Variants in COL4A4 observed in about 807,000 individuals in gnomAD.
COL4A4 encodes collagen type IV alpha 4 chain, also known as collagen alpha-4(IV) chain.
A neutral mutation model predicts 192.9 loss-of-function variants in COL4A4; 105 were observed. That is an observed-to-expected ratio of 0.54 (90% CI 0.46 to 0.64). The LOEUF is 0.64. Ranked by LOEUF, COL4A4 falls within the 30% of genes least tolerant of loss-of-function variation. The pLI is 0.00. For missense variants in COL4A4, 1,967 were observed against 2,169.3 expected (o/e 0.91, Z 1.85); for synonymous variants, 762 against 769.9 (o/e 0.99, Z 0.17).
chr2:227,000,676 G>A (rs571517210), downstream of COL4A4, among the ~76,000 whole-genome samples: 13 of 152,138 alleles, frequency 8.5e-5, no homozygotes, highest in Admixed American at 5.2e-4. Context: ...CAGAGCAGTT[G>A]CCCTAAATGA....
chr2:227,092,583 T>G (rs2059999132), intron 20 of COL4A4, among the ~76,000 whole-genome samples: 1 of 152,218 alleles, frequency 6.6e-6, no homozygotes, highest in Admixed American at 6.5e-5. Context: ...TGATGAAATT[T>G]AGATAATTCT....
intron 37 of COL4A4, among the ~76,000 whole-genome samples, chr2:227,041,101 G>A (rs932397915): frequency 6.6e-6 from 1 of 152,058 alleles, no homozygotes; most frequent in East Asian, 1.9e-4. Flanking sequence ...TTCTATATCT[G>A]TAGCACCTTA....
At chr2:226,977,293 C>T in the COL4A4 span, among the ~76,000 whole-genome samples, 55 of 152,244 alleles carry the variant, frequency 3.6e-4, no homozygotes, top group African/African-American at 1.3e-3. Context: ...ACTGCCGCCT[C>T]CTTTTTTTCT....
the COL4A4 span, among the ~76,000 whole-genome samples, chr2:226,994,487 C>A: frequency 1.3e-5 from 2 of 152,180 alleles, no homozygotes; most frequent in African/African-American, 4.8e-5. Flanking sequence ...AGTAAGACTT[C>A]TGGTTGATGT....
At chr2:227,164,324 C>G, upstream of COL4A4, 1 of 333,854 alleles carries the variant, frequency 3.0e-6, no homozygotes, top group South Asian at 3.0e-5. The surrounding 1 kb of genome is among the most constrained non-coding windows in gnomAD (Gnocchi z 4.8). Context: ...CCAAACGCCC[C>G]ACCTCCGACC....
the COL4A4 span, among the ~76,000 whole-genome samples, chr2:226,989,636 G>C: frequency 6.6e-6 from 1 of 152,172 alleles, no homozygotes. Flanking sequence ...GGGAATTCTA[G>C]AAGTCTGACC....
intron 47 of COL4A4, 45 bp downstream of exon 47, chr2:227,007,973 A>G (rs1265127624): frequency 1.4e-5 from 23 of 1,595,836 alleles, no homozygotes; most frequent in Non-Finnish European, 1.7e-5. Context: ...AGAAGGTGTT[A>G]GGAAATGGTG....
chr2:226,988,188 T>C, the COL4A4 span: 1 of 669,282 alleles, frequency 1.5e-6, no homozygotes, highest in Admixed American at 3.3e-5. Context: ...TTTAAAATAA[T>C]GTAATTAAAA....
intron 37 of COL4A4, among the ~76,000 whole-genome samples, chr2:227,036,477 G>T (rs1386091456): frequency 6.6e-6 from 1 of 152,172 alleles, no homozygotes; most frequent in African/African-American, 2.4e-5. Flanking sequence ...CAGGCAAAAC[G>T]GGACAGCTGC....
intron 35 of COL4A4, among the ~76,000 whole-genome samples, chr2:227,045,008 G>T (rs895255188): frequency 6.6e-6 from 1 of 152,084 alleles, no homozygotes; most frequent in African/African-American, 2.4e-5. Flanking sequence ...AATCACTCAG[G>T]TTTATGATTT....
chr2:227,065,184 T>A (rs1239104391), intron 25 of COL4A4, among the ~76,000 whole-genome samples: 1 of 152,180 alleles, frequency 6.6e-6, no homozygotes, highest in African/African-American at 2.4e-5. Flanking sequence ...TCCGACGGGC[T>A]TAAAAAACGG....
the COL4A4 span, among the ~76,000 whole-genome samples, chr2:226,991,374 GT>G: frequency 6.6e-6 from 1 of 152,136 alleles, no homozygotes; most frequent in Non-Finnish European, 1.5e-5. Flanking sequence ...TAGAGTCGGG[GT>G]TTCACCACGT....
chr2:227,081,198 T>C (rs1183083735), intron 23 of COL4A4, among the ~76,000 whole-genome samples: 1 of 152,142 alleles, frequency 6.6e-6, no homozygotes, highest in South Asian at 2.1e-4. Flanking sequence ...GTGAGGGTGT[T>C]GCCAGAGGAG....
the COL4A4 span, among the ~76,000 whole-genome samples, chr2:226,980,040 C>T: frequency 2.0e-5 from 3 of 152,092 alleles, no homozygotes; most frequent in Non-Finnish European, 4.4e-5. Flanking sequence ...TGTGACTAAC[C>T]AGAGGGATAG....
chr2:227,158,682 CA>C lies in COL4A4; in HGVS notation c.-102+5324del, dbSNP rs1559767442. 2.0e-5 allele frequency among the ~76,000 whole-genome samples: 3 copies of C among 151,440 alleles called. No homozygotes were observed. The South Asian group carries it at 6.3e-4, about 32-fold the overall frequency. ...AAAAAAGATTTGAATAGGCACTTCA[CA>C]AAAGAAGCTACATGAATGTTCAATA... On this transcript the variant is annotated intron_variant, in intron 1 of 47. Transcript: ENST00000396625.
At chr2:227,076,649 C>A (rs1171355146) in intron 25 of COL4A4, among the ~76,000 whole-genome samples, 2 of 152,022 alleles carry the variant, frequency 1.3e-5, no homozygotes, top group Non-Finnish European at 2.9e-5. Flanking sequence ...GGGATCTAAT[C>A]AAACTAAAGA....
chr2:227,139,442 T>C (rs1408262488), intron 4 of COL4A4, among the ~76,000 whole-genome samples: 3 of 152,246 alleles, frequency 2.0e-5, no homozygotes, highest in Non-Finnish European at 4.4e-5. Context: ...AGTGGGCTGC[T>C]GTCAGAACAT....
chr2:227,054,753 C>T lies in COL4A4; in HGVS notation c.2717-16G>A, dbSNP rs146891868. On this transcript the variant is annotated splice_polypyrimidine_tract_variant and intron_variant, in intron 30 of 47. Transcript: ENST00000396625. ...CCCCGGGGTCCTGGTGAAATGAGAGCATAAAGTTTTAGGAAAATATTTTAT... is the reference window on the plus strand; with the variant it reads ...CCCCGGGGTCCTGGTGAAATGAGAGTATAAAGTTTTAGGAAAATATTTTAT... 536 of 1,611,432 alleles carry T rather than the reference C, an allele frequency of 3.3e-4. 4 individuals carry two copies. In the African/African-American group the frequency reaches 6.0e-3, roughly 18 times the overall value.
the COL4A4 span, among the ~76,000 whole-genome samples, chr2:226,982,821 G>T: frequency 6.6e-6 from 1 of 152,206 alleles, no homozygotes; most frequent in Non-Finnish European, 1.5e-5. Context: ...GGATCCAGAG[G>T]TGAATTCCCT....
Sources: gnomAD v4.1 joint callset for allele counts (sites outside exome capture counted in the v4.1 genomes callset) on GRCh38, gnomAD v4.1.1 for gene constraint, Gnocchi (gnomAD v3.1) non-coding constraint, MANE v1.5 for transcripts, NCBI Gene and HGNC (gene_info 2026-07-23, HGNC 2026-07-21) for gene names.